HYAL4: variants seen among roughly 807,000 people sequenced by gnomAD.
HYAL4 encodes the protein hyaluronidase 4.
Under a neutral mutation model 35.2 loss-of-function variants are expected in HYAL4, and 37 were observed. That is an observed-to-expected ratio of 1.05 (90% confidence interval 0.81 to 1.38). The LOEUF (loss-of-function observed/expected upper bound fraction) is 1.38, where lower values mean the gene tolerates loss of function less well. HYAL4 is among the 40% of genes most tolerant of loss of function. The probability of loss-of-function intolerance (pLI) is 0.00; values close to 1 mark genes in which losing one functional copy is unlikely to be tolerated. For missense variants in HYAL4, 572 were observed against 572.4 expected (o/e 1.00, Z 0.01); for synonymous variants, 198 against 203.2 (o/e 0.97, Z 0.22).
chr7:123,844,650 G>A (rs1379431172), upstream of HYAL4, among the ~76,000 whole-genome samples: 3 of 152,164 alleles, frequency 2.0e-5, no homozygotes, highest in African/African-American at 7.2e-5. Flanking sequence ...ATGGAGTCTA[G>A]AGGCAGTAGG....
the HYAL4 span, among the ~76,000 whole-genome samples, chr7:123,769,388 A>G: frequency 6.6e-6 from 1 of 152,182 alleles, no homozygotes; most frequent in Admixed American, 6.5e-5. Flanking sequence ...AGAGAGGGGA[A>G]GGAGGAAGCA....
intron 2 of HYAL4, among the ~76,000 whole-genome samples, chr7:123,849,548 C>T (rs1806254469): frequency 1.3e-5 from 2 of 152,122 alleles, no homozygotes; most frequent in Non-Finnish European, 1.5e-5. Context: ...GTGATTGGAC[C>T]ATTTTGGCCT....
chr7:123,874,972 C>T, intron 4 of HYAL4, 122 bp downstream of exon 4: 1 of 639,332 alleles, frequency 1.6e-6, no homozygotes, highest in Non-Finnish European at 2.8e-6. Context: ...AAATCAGTGC[C>T]TGATACATAG....
intron 1 of HYAL4, among the ~76,000 whole-genome samples, chr7:123,831,756 A>G (rs1315406496): frequency 6.6e-6 from 1 of 152,150 alleles, no homozygotes; most frequent in Non-Finnish European, 1.5e-5. Flanking sequence ...ATATTTACTC[A>G]ACAGGATTAT....
intron 3 of HYAL4, among the ~76,000 whole-genome samples, chr7:123,874,504 A>G (rs561974319): frequency 6.6e-5 from 10 of 152,122 alleles, no homozygotes; most frequent in Non-Finnish European, 1.2e-4. Flanking sequence ...CCTGGGTTCA[A>G]ATGATTCTCC....
At chr7:123,829,457 T>A (rs1275010685) in intron 1 of HYAL4, among the ~76,000 whole-genome samples, 1 of 152,184 alleles carries the variant, frequency 6.6e-6, no homozygotes, top group Non-Finnish European at 1.5e-5. Context: ...AAAATATGTA[T>A]TGACTTTAAA....
intron 2 of HYAL4, 21 bp from the exon 3 acceptor site, chr7:123,868,200 CAG>C: frequency 5.9e-6 from 4 of 683,458 alleles, no homozygotes; most frequent in Non-Finnish European, 9.2e-6. Flanking sequence ...CTATGACTAA[CAG>C]AAAATTAAAT....
At chr7:123,861,401 A>T (rs967555176) in intron 2 of HYAL4, among the ~76,000 whole-genome samples, 11 of 152,232 alleles carry the variant, frequency 7.2e-5, no homozygotes, top group Non-Finnish European at 1.6e-4. Flanking sequence ...ATCTTAAGGA[A>T]CTTAGTTAAA....
At chr7:123,856,225 T>C (rs1806434420) in intron 2 of HYAL4, among the ~76,000 whole-genome samples, 1 of 152,054 alleles carries the variant, frequency 6.6e-6, no homozygotes, top group African/African-American at 2.4e-5. Flanking sequence ...TTACTCTCCA[T>C]CCAGTTTTGT....
upstream of HYAL4, among the ~76,000 whole-genome samples, chr7:123,843,088 T>A (rs1419145472): frequency 6.6e-6 from 1 of 152,054 alleles, no homozygotes; most frequent in African/African-American, 2.4e-5. Flanking sequence ...AGTTTCTTCA[T>A]AGCATCGATG....
chr7:123,863,584 GAT>G lies in HYAL4; in HGVS notation c.-51-4638_-51-4637del, dbSNP rs536916545. Among the ~76,000 whole-genome samples the G allele has an allele frequency of 6.6e-4, 101 of 152,300 alleles. 1 individual carries two copies. Among genetic ancestry groups the G allele is most frequent in the African/African-American group, 2.2e-3 (92 of 41,570 alleles). ...TGTCAGAAAGCAGAGGCGTTCCTGT[GAT>G]TGGGTAAAGAATAGCAGTCATTCAT... On this transcript the variant is annotated intron_variant, in intron 2 of 4. Transcript: ENST00000223026.
At chr7:123,821,248 C>T in the HYAL4 span, among the ~76,000 whole-genome samples, 2 of 152,122 alleles carry the variant, frequency 1.3e-5, no homozygotes, top group African/African-American at 2.4e-5. Context: ...TTTTCCATAG[C>T]TCTTGTACCA....
the HYAL4 span, among the ~76,000 whole-genome samples, chr7:123,807,684 A>G: frequency 6.6e-6 from 1 of 150,890 alleles, no homozygotes; most frequent in Non-Finnish European, 1.5e-5. Context: ...TAGGTGATCC[A>G]CCTGCCTTGG....
At chr7:123,774,406 T>C in the HYAL4 span, among the ~76,000 whole-genome samples, 2 of 152,132 alleles carry the variant, frequency 1.3e-5, no homozygotes, top group Non-Finnish European at 2.9e-5. Flanking sequence ...GCCTTGATCT[T>C]CAATTTGTCA....
rs868077960 is a variant in HYAL4, at chr7:123,839,035, G to A, written c.-256-5210G>A. 8.6e-5 allele frequency among the ~76,000 whole-genome samples: 13 copies of A among 151,810 alleles called. No individual in the cohort carries two copies. The Middle Eastern group carries it at 0.01, about 119-fold the overall frequency. On this transcript the variant is annotated intron_variant, in intron 1 of 4. Transcript: ENST00000489978. ...TAAGTTCTGGGTACCTGTGCACAACGTGCAGGTTTGGTATATAGGTATACA... is the reference window on the plus strand; with the variant it reads ...TAAGTTCTGGGTACCTGTGCACAACATGCAGGTTTGGTATATAGGTATACA...
chr7:123,786,713 G>GCTATCTATCTAT, the HYAL4 span, among the ~76,000 whole-genome samples: 3,399 of 148,436 alleles, frequency 0.023, 39 homozygotes, highest in East Asian at 0.029. Context: ...TGTATCACAT[G>GCTATCTATCTAT]CTATCTATCT....
At chr7:123,798,126 A>T in the HYAL4 span, among the ~76,000 whole-genome samples, 3 of 152,196 alleles carry the variant, frequency 2.0e-5, no homozygotes, top group African/African-American at 7.2e-5. Context: ...ACTTTCTGTT[A>T]TTCAAGACTC....
chr7:123,871,148 G>A (rs938778238), intron 3 of HYAL4, among the ~76,000 whole-genome samples: 1 of 151,208 alleles, frequency 6.6e-6, no homozygotes, highest in Admixed American at 6.6e-5. Context: ...TAAACTATAA[G>A]TGTACCCACC....
chr7:123,860,407 A>G (rs1314662647), intron 2 of HYAL4, among the ~76,000 whole-genome samples: 3 of 152,176 alleles, frequency 2.0e-5, no homozygotes, highest in Non-Finnish European at 4.4e-5. Flanking sequence ...GTGTGTGTGT[A>G]TATATATGTA....
Sources: gnomAD v4.1 joint callset for allele counts (sites outside exome capture counted in the v4.1 genomes callset) on GRCh38, gnomAD v4.1.1 for gene constraint, MANE v1.5 for transcripts, NCBI Gene and HGNC (gene_info 2026-07-23, HGNC 2026-07-21) for gene names.